The following TEF variants were observed in gnomAD, a reference collection of about 807,000 sequenced individuals.
TEF encodes the protein thyrotroph embryonic factor.
A neutral mutation model predicts 20.8 loss-of-function variants in TEF; 3 were observed. That is an observed-to-expected ratio of 0.14 (90% CI 0.07 to 0.37). The LOEUF (loss-of-function observed/expected upper bound fraction) is 0.37, where lower values mean the gene tolerates loss of function less well. Ranked by LOEUF, TEF falls within the 10% of genes least tolerant of loss-of-function variation. The pLI is 1.00. For synonymous variants in TEF, 180 were observed against 171.1 expected (o/e 1.05, Z -0.41); for missense variants, 296 against 397.9 (o/e 0.74, Z 2.18).
At position 41,396,143 on chromosome 22, in the gene TEF, T is replaced by C; in HGVS notation, c.*183T>C. The C allele has an allele frequency of 1.6e-6, 1 of 622,986 alleles. No homozygotes were observed. The highest frequency in any genetic ancestry group is 2.0e-5 in the South Asian group (1 of 49,348). 38.6% of individuals were successfully genotyped at this position (622,986 alleles called of 1,614,324 possible). On this transcript the variant is annotated 3_prime_UTR_variant, in exon 4 of 4. Transcript: ENST00000266304. ...TGGCCTGCGCACGTGGCGACGTCCC[T>C]GAGGGGCCAGTCTCCTCACTGGTGG...
chr22:41,380,337 G>T (rs376896507), upstream of TEF, among the ~76,000 whole-genome samples: 1 of 152,086 alleles, frequency 6.6e-6, no homozygotes, highest in African/African-American at 2.4e-5. Flanking sequence ...TGTACTTACA[G>T]TAGTGTCGGA....
rs993307393 is a variant in TEF at position 41,398,743 on chromosome 22, T to C, written c.*2783T>C. 5.3e-5 allele frequency: 8 copies of C among 152,044 alleles called. No individual in the cohort carries two copies. Among genetic ancestry groups the C allele is most frequent in the Non-Finnish European group, 8.8e-5 (6 of 68,040 alleles). The allele number at this position is 152,044 out of a possible 1,614,324, so 9.4% of individuals were successfully genotyped here. On this transcript the variant is annotated 3_prime_UTR_variant, in exon 4 of 4. Transcript: ENST00000266304. ...TAAGTCTGGGTACATGTAACCCTGC[T>C]GAGGGGCTGTGCAGGCCGCTCCTAC...
At chr22:41,369,129 G>A in intron 1 of TEF, 1 of 985,398 alleles carries the variant, frequency 1.0e-6, no homozygotes, top group Non-Finnish European at 1.2e-6. Flanking sequence ...GTGGGGCAGG[G>A]AGGATTCTCA....
intron 1 of TEF, among the ~76,000 whole-genome samples, chr22:41,370,954 G>C (rs1233192527): frequency 6.6e-6 from 1 of 152,212 alleles, no homozygotes; most frequent in Admixed American, 6.5e-5. Flanking sequence ...TTTTGGCAGA[G>C]AAATCCATTT....
intron 1 of TEF, among the ~76,000 whole-genome samples, chr22:41,383,822 C>T (rs181606165): frequency 6.6e-4 from 101 of 152,324 alleles, no homozygotes; most frequent in Non-Finnish European, 2.5e-4. Context: ...CTGCCTTCTC[C>T]TGCCTCCTTT....
intron 1 of TEF, among the ~76,000 whole-genome samples, chr22:41,373,623 C>G (rs892254440): frequency 6.6e-6 from 1 of 152,114 alleles, no homozygotes; most frequent in African/African-American, 2.4e-5. Context: ...GCGCCCACCA[C>G]CACGCCCAGA....
At chr22:41,386,431 G>T (rs111763257) in intron 1 of TEF, among the ~76,000 whole-genome samples, 1 of 150,280 alleles carries the variant, frequency 6.7e-6, no homozygotes, top group East Asian at 2.0e-4. Flanking sequence ...ACAGAGCGAA[G>T]CTCCATCTCA....
intron 3 of TEF, 109 bp from the exon 4 acceptor site, chr22:41,395,636 T>C (rs2037218240): frequency 2.7e-6 from 3 of 1,110,818 alleles, no homozygotes; most frequent in African/African-American, 1.6e-5. Context: ...ATCCCTGCTT[T>C]AGCTCTGGCC....
intron 2 of TEF, among the ~76,000 whole-genome samples, chr22:41,391,795 G>C (rs28488259): frequency 6.6e-6 from 1 of 152,074 alleles, no homozygotes; most frequent in Non-Finnish European, 1.5e-5. Context: ...GCTAATTTTC[G>C]TATTTTTAGT....
chr22:41,371,182 T>C (rs551987536), intron 1 of TEF, among the ~76,000 whole-genome samples: 1 of 152,368 alleles, frequency 6.6e-6, no homozygotes, highest in Non-Finnish European at 1.5e-5. Context: ...AATCATATGA[T>C]TAGCATTTTA....
At position 41,382,184 on chromosome 22, in the gene TEF, C is replaced by T; in HGVS notation, c.140C>T (p.Pro47Leu). The T allele has an allele frequency of 9.1e-6, 11 of 1,204,820 alleles. No homozygotes were observed. Among genetic ancestry groups the T allele is most frequent in the South Asian group, 8.2e-5 (2 of 24,272 alleles). 74.6% of individuals were successfully genotyped at this position (1,204,820 alleles called of 1,614,324 possible). ...CTGAAGAAGCTGATGGAGAACCCCC[C>T]GCGCGAGGCGCGCCTCGGTGAGGGC... ...LVLKKLMENP[P>L]REARLDKEKG... is the part of the protein sequence containing the mutation. The change falls in exon 1 of 4, where the codon CCG becomes CTG. Residue 47 changes from proline to leucine, a missense_variant. Transcript: ENST00000266304.
rs2234062 is a variant in TEF at position 41,395,986 on chromosome 22, A to G, written c.*26A>G. 10,924 of 1,597,400 alleles carry G rather than the reference A, an allele frequency of 6.8e-3. 570 individuals are homozygous for G. In the African/African-American group the frequency reaches 0.12, roughly 18 times the overall value. ...CCCGTGCCCCCCGCCCGGGCGGGGT[A>G]CTGCCTGCACCTCAGACCTCTGCCT... On this transcript the variant is annotated 3_prime_UTR_variant, in exon 4 of 4. Transcript: ENST00000266304.
At chr22:41,379,531 A>C (rs1272078036), upstream of TEF, among the ~76,000 whole-genome samples, 1 of 150,986 alleles carries the variant, frequency 6.6e-6, no homozygotes, top group Non-Finnish European at 1.5e-5. Flanking sequence ...AAAAAACAAA[A>C]ACACCATAAG....
In TEF at chr22:41,395,986, A is replaced by ACTGCCTGCACCTCAGACCT. The variant is rs1398475124; in HGVS notation, c.*34_*52dup. 13 of 1,597,400 alleles carry ACTGCCTGCACCTCAGACCT rather than the reference A, an allele frequency of 8.1e-6. No individual in the cohort carries two copies. Among genetic ancestry groups the ACTGCCTGCACCTCAGACCT allele is most frequent in the Non-Finnish European group, 1.1e-5 (13 of 1,167,118 alleles). Reference sequence around the variant, plus strand: ...CCCGTGCCCCCCGCCCGGGCGGGGTACTGCCTGCACCTCAGACCTCTGCCT... The same window carrying ACTGCCTGCACCTCAGACCT: ...CCCGTGCCCCCCGCCCGGGCGGGGTACTGCCTGCACCTCAGACCTCTGCCTGCACCTCAGACCTCTGCCT... On this transcript the variant is annotated 3_prime_UTR_variant, in exon 4 of 4. Coordinates refer to ENST00000266304, the MANE Select transcript of TEF (RefSeq NM_003216.4).
At chr22:41,395,194 T>C (rs1039634542) in intron 3 of TEF, among the ~76,000 whole-genome samples, 1 of 151,962 alleles carries the variant, frequency 6.6e-6, no homozygotes, top group Non-Finnish European at 1.5e-5. Flanking sequence ...TTAGTAGAGA[T>C]GGGGTTTCAT....
At chr22:41,379,256 G>A (rs1372363328), upstream of TEF, among the ~76,000 whole-genome samples, 1 of 152,044 alleles carries the variant, frequency 6.6e-6, no homozygotes, top group African/African-American at 2.4e-5. Flanking sequence ...GAGAATGGCG[G>A]GAAGCCGGGA....
At chr22:41,383,022 T>C (rs965222158) in intron 1 of TEF, 1 of 470,734 alleles carries the variant, frequency 2.1e-6, no homozygotes, top group African/African-American at 2.0e-5. Flanking sequence ...GGAGATGGGG[T>C]GCAGGGAGCA....
At chr22:41,394,670 T>C (rs1017577622) in intron 3 of TEF, among the ~76,000 whole-genome samples, 2 of 152,236 alleles carry the variant, frequency 1.3e-5, no homozygotes, top group Non-Finnish European at 2.9e-5. Context: ...GTTTCTTGTA[T>C]GTTGCCATCC....
intron 1 of TEF, chr22:41,383,037 G>A (rs2037055048): frequency 2.1e-6 from 1 of 470,958 alleles, no homozygotes. Context: ...GGAGCAGCAG[G>A]AGGGCCGCCT....
Sources: allele counts gnomAD v4.1 joint callset (sites outside exome capture counted in the v4.1 genomes callset), GRCh38; gene constraint gnomAD v4.1.1; transcripts MANE v1.5; gene names NCBI Gene and HGNC (gene_info 2026-07-23, HGNC 2026-07-21).